UNC13C: variants seen among roughly 807,000 people sequenced by gnomAD.
UNC13C encodes unc-13 homolog C.
A neutral mutation model predicts 245.4 loss-of-function variants in UNC13C; 174 were observed. The ratio of observed to expected loss-of-function variants is 0.71; its 90% confidence interval spans 0.63 to 0.80. The LOEUF is 0.80. UNC13C is among the 30% of genes least tolerant of loss of function. UNC13C has a pLI of 0.00. For missense variants in UNC13C, 2,829 were observed against 2,602.9 expected (o/e 1.09, Z -1.89); for synonymous variants, 992 against 895.1 (o/e 1.11, Z -1.93).
intron 29 of UNC13C, among the ~76,000 whole-genome samples, chr15:54,567,366 C>G (rs1056859752): frequency 6.6e-6 from 1 of 152,114 alleles, no homozygotes; most frequent in African/African-American, 2.4e-5. Flanking sequence ...GACCTAGAAT[C>G]TCAAACTGGT....
intron 30 of UNC13C, among the ~76,000 whole-genome samples, chr15:54,592,836 C>T (rs183250575): frequency 4.8e-5 from 7 of 147,116 alleles, no homozygotes; most frequent in Admixed American, 2.0e-4. Flanking sequence ...TCATCATGCT[C>T]GTTGTTGCCT....
chr15:53,842,093 G>T, the UNC13C span, among the ~76,000 whole-genome samples: 1 of 152,146 alleles, frequency 6.6e-6, no homozygotes. Flanking sequence ...GAAGCTTTCA[G>T]TAAAGTGCTT....
At chr15:54,581,511 TCACATGG>T (rs1227228771) in intron 30 of UNC13C, among the ~76,000 whole-genome samples, 1 of 152,216 alleles carries the variant, frequency 6.6e-6, no homozygotes, top group Non-Finnish European at 1.5e-5. Flanking sequence ...TGCTGTGTCT[TCACATGG>T]CTGAGAGAGA....
chr15:54,414,905 T>C, intron 18 of UNC13C, 77 bp from the exon 19 acceptor site: 1 of 862,016 alleles, frequency 1.2e-6, no homozygotes. Context: ...TACTGTGGTA[T>C]ATATGTAAAA....
At chr15:54,107,754 C>T (rs1220432694) in intron 2 of UNC13C, among the ~76,000 whole-genome samples, 1 of 152,130 alleles carries the variant, frequency 6.6e-6, no homozygotes, top group Non-Finnish European at 1.5e-5. Flanking sequence ...ATTCCCATTA[C>T]TTTAGGGTGG....
At chr15:53,928,870 T>A in the UNC13C span, among the ~76,000 whole-genome samples, 1 of 152,230 alleles carries the variant, frequency 6.6e-6, no homozygotes, top group African/African-American at 2.4e-5. Context: ...AAGAGCATGT[T>A]CTTTATGTTC....
At chr15:54,322,312 A>G (rs2038184453) in intron 14 of UNC13C, among the ~76,000 whole-genome samples, 3 of 152,070 alleles carry the variant, frequency 2.0e-5, no homozygotes, top group Admixed American at 1.3e-4. Context: ...TTCATATCTT[A>G]AAGGATCTTT....
chr15:54,399,040 C>A (rs984665404), intron 18 of UNC13C, among the ~76,000 whole-genome samples: 1 of 151,324 alleles, frequency 6.6e-6, no homozygotes, highest in Non-Finnish European at 1.5e-5. Flanking sequence ...ATATGAAAGC[C>A]TTGTATAAGA....
At chr15:54,610,676 C>A (rs748517473) in intron 30 of UNC13C, among the ~76,000 whole-genome samples, 7 of 152,132 alleles carry the variant, frequency 4.6e-5, no homozygotes, top group Non-Finnish European at 1.0e-4. Flanking sequence ...TTAATCTTTA[C>A]AACAATTGAA....
At chr15:54,173,095 A>G (rs1014048758) in intron 4 of UNC13C, among the ~76,000 whole-genome samples, 2 of 151,918 alleles carry the variant, frequency 1.3e-5, no homozygotes, top group African/African-American at 4.8e-5. Context: ...AATCTTTGTG[A>G]TGATGCTGAT....
chr15:54,201,659 A>G (rs1045989053), intron 4 of UNC13C, among the ~76,000 whole-genome samples: 2 of 151,936 alleles, frequency 1.3e-5, no homozygotes, highest in South Asian at 4.1e-4. Context: ...TAGAAGGGAC[A>G]TATGTTAAGG....
intron 2 of UNC13C, among the ~76,000 whole-genome samples, chr15:54,028,839 C>T (rs111329605): frequency 0.053 from 8,080 of 151,938 alleles, 263 homozygotes; most frequent in Non-Finnish European, 0.07. Context: ...TACAGGCGCC[C>T]GCAGCCTGCA....
intron 2 of UNC13C, among the ~76,000 whole-genome samples, chr15:54,036,034 TGC>T (rs1264378007): frequency 1.3e-5 from 2 of 152,234 alleles, no homozygotes; most frequent in African/African-American, 4.8e-5. Context: ...TCTAGGTGAC[TGC>T]AAGCCAAGTT....
chr15:54,246,101 C>A (rs775502107), intron 7 of UNC13C, among the ~76,000 whole-genome samples: 14 of 152,180 alleles, frequency 9.2e-5, no homozygotes, highest in East Asian at 3.8e-4. Context: ...AAATCTCAGG[C>A]TCTTTTTAGT....
At chr15:54,513,278 A>G (rs1050816278) in intron 24 of UNC13C, among the ~76,000 whole-genome samples, 1 of 152,190 alleles carries the variant, frequency 6.6e-6, no homozygotes, top group African/African-American at 2.4e-5. Flanking sequence ...CCTTCCTATA[A>G]ATTTTAAAGC....
intron 5 of UNC13C, among the ~76,000 whole-genome samples, chr15:54,235,507 A>T (rs1427529383): frequency 6.6e-6 from 1 of 152,218 alleles, no homozygotes; most frequent in Non-Finnish European, 1.5e-5. Context: ...AATACTTTAT[A>T]CAGCAAGCAG....
the UNC13C span, among the ~76,000 whole-genome samples, chr15:53,873,548 T>G: frequency 3.3e-5 from 5 of 152,166 alleles, no homozygotes; most frequent in African/African-American, 9.7e-5. Flanking sequence ...TTTTTTTTCC[T>G]CAGCTCAAAG....
At chr15:54,405,641 T>C (rs1433860991) in intron 18 of UNC13C, among the ~76,000 whole-genome samples, 1 of 152,114 alleles carries the variant, frequency 6.6e-6, no homozygotes, top group Non-Finnish European at 1.5e-5. Context: ...CCCTTAAAAA[T>C]TAGAAACGTA....
At chr15:53,837,765 C>T in the UNC13C span, among the ~76,000 whole-genome samples, 1 of 152,142 alleles carries the variant, frequency 6.6e-6, no homozygotes, top group Non-Finnish European at 1.5e-5. Context: ...TCCCATTTCA[C>T]TTTTTACATG....
Sources: gnomAD v4.1 joint callset for allele counts (sites outside exome capture counted in the v4.1 genomes callset) on GRCh38, gnomAD v4.1.1 for gene constraint, MANE v1.5 for transcripts, NCBI Gene and HGNC (gene_info 2026-07-23, HGNC 2026-07-21) for gene names.